The following IRAG1 variants were observed in gnomAD, a reference collection of about 807,000 sequenced individuals.
The protein encoded by IRAG1 is inositol 1,4,5-triphosphate receptor associated 1, also known as IP3R-associated cGMP kinase substrate.
A neutral mutation model predicts 106.2 loss-of-function variants in IRAG1; 62 were observed. That is an observed-to-expected ratio of 0.58 (90% CI 0.48 to 0.72). The LOEUF is 0.72. Among genes scored for constraint, IRAG1 ranks in the 30% least tolerant of loss-of-function variants. IRAG1 has a pLI of 0.00. For synonymous variants in IRAG1, 462 were observed against 443.9 expected (o/e 1.04, Z -0.51); for missense variants, 1,064 against 1,140.7 (o/e 0.93, Z 0.97).
intron 1 of IRAG1, among the ~76,000 whole-genome samples, chr11:10,682,857 A>G (rs16908184): frequency 0.047 from 7,104 of 152,208 alleles, 222 homozygotes; most frequent in African/African-American, 0.089. Context: ...TTTATACCCC[A>G]CAATCCTGTC....
chr11:10,581,347 T>G (rs1195834594), intron 19 of IRAG1, among the ~76,000 whole-genome samples: 1 of 152,128 alleles, frequency 6.6e-6, no homozygotes, highest in Non-Finnish European at 1.5e-5. Context: ...CCTTGAGGCT[T>G]GGTACCTGCT....
intron 15 of IRAG1, 73 bp downstream of exon 15, chr11:10,600,845 C>T: frequency 6.3e-7 from 1 of 1,591,502 alleles, no homozygotes; most frequent in Non-Finnish European, 8.6e-7. Context: ...GTTCTGACAG[C>T]TCTAATCCTA....
intron 20 of IRAG1, among the ~76,000 whole-genome samples, chr11:10,579,736 CTG>C (rs1851203270): frequency 6.6e-6 from 1 of 152,136 alleles, no homozygotes; most frequent in Admixed American, 6.5e-5. Context: ...ATGGAGTGCC[CTG>C]GAACTAAATT....
chr11:10,649,334 G>T (rs1360316166), intron 2 of IRAG1, among the ~76,000 whole-genome samples: 1 of 152,214 alleles, frequency 6.6e-6, no homozygotes, highest in African/African-American at 2.4e-5. Context: ...TGGTTGGGGG[G>T]GTCTGAACTG....
At chr11:10,579,990 G>C (rs1033028712) in intron 20 of IRAG1, among the ~76,000 whole-genome samples, 2 of 152,228 alleles carry the variant, frequency 1.3e-5, no homozygotes, top group African/African-American at 4.8e-5. Context: ...CCACTGAGCT[G>C]AGTTTGCCCT....
chr11:10,678,685 A>G (rs1412493057), intron 1 of IRAG1, among the ~76,000 whole-genome samples: 1 of 152,102 alleles, frequency 6.6e-6, no homozygotes, highest in East Asian at 1.9e-4. Context: ...TCTCAGACCC[A>G]CCATTGTTTA....
At chr11:10,596,714 T>C (rs1419361119) in intron 15 of IRAG1, among the ~76,000 whole-genome samples, 1 of 152,228 alleles carries the variant, frequency 6.6e-6, no homozygotes, top group African/African-American at 2.4e-5. Flanking sequence ...GAACTATACA[T>C]TGGGTAACTT....
chr11:10,601,602 T>C (rs914669494), intron 14 of IRAG1, among the ~76,000 whole-genome samples: 1 of 152,184 alleles, frequency 6.6e-6, no homozygotes, highest in Non-Finnish European at 1.5e-5. Flanking sequence ...CTCCTACCTA[T>C]GTAGGGATCA....
intron 13 of IRAG1, 80 bp from the exon 14 acceptor site, chr11:10,603,331 T>G: frequency 6.5e-7 from 1 of 1,529,894 alleles, no homozygotes; most frequent in Non-Finnish European, 8.9e-7. Flanking sequence ...CTTTTCGGCC[T>G]CAGGGACTGG....
At chr11:10,617,212 G>A in intron 10 of IRAG1, 5 of 985,264 alleles carry the variant, frequency 5.1e-6, no homozygotes, top group Non-Finnish European at 6.0e-6. Context: ...ACCTGGTTAA[G>A]GAGAATAAAA....
At chr11:10,586,986 T>C (rs1852079777) in intron 18 of IRAG1, among the ~76,000 whole-genome samples, 1 of 152,186 alleles carries the variant, frequency 6.6e-6, no homozygotes, top group Non-Finnish European at 1.5e-5. Flanking sequence ...ACCCAGTGTT[T>C]GGGTTGGACT....
intron 10 of IRAG1, among the ~76,000 whole-genome samples, chr11:10,620,921 G>C (rs2134506874): frequency 6.6e-6 from 1 of 152,168 alleles, no homozygotes; most frequent in South Asian, 2.1e-4. Flanking sequence ...AATACAAGAG[G>C]AACTATGCAC....
At chr11:10,684,179 T>G (rs891433465) in intron 1 of IRAG1, among the ~76,000 whole-genome samples, 2 of 152,118 alleles carry the variant, frequency 1.3e-5, no homozygotes, top group African/African-American at 4.8e-5. Flanking sequence ...GCGGCACTAT[T>G]CACAATAGCA....
At chr11:10,635,281 A>AC (rs774583056) in intron 2 of IRAG1, among the ~76,000 whole-genome samples, 14 of 151,746 alleles carry the variant, frequency 9.2e-5, no homozygotes, top group Non-Finnish European at 2.1e-4. Context: ...CCTCCTTCCC[A>AC]CCCCCTTGAC....
At chr11:10,614,633 T>C (rs1254223967) in intron 10 of IRAG1, among the ~76,000 whole-genome samples, 1 of 152,066 alleles carries the variant, frequency 6.6e-6, no homozygotes, top group African/African-American at 2.4e-5. Context: ...TCAGAAATAA[T>C]ACCACACATC....
rs139302581 is a variant in IRAG1, at chr11:10,613,226, G to A, written c.1448-3375C>T. 6.8e-5 allele frequency among the ~76,000 whole-genome samples: 10 copies of A among 147,482 alleles called. No homozygotes were observed. In the East Asian group the frequency reaches 7.9e-4, roughly 12 times the overall value. The stretch of plus-strand genomic sequence containing the variant: ...GTTGAACCCTTCAGGTTGACAGACC[G>A]CATCATGTTAAAAAATATATTTAAA... On this transcript the variant is annotated intron_variant, in intron 10 of 20. Transcript: ENST00000423302.
rs894233581 is a variant in IRAG1, at chr11:10,628,941, G to A, written c.575-113C>T. On this transcript the variant is annotated intron_variant, in intron 5 of 20. Coordinates refer to ENST00000423302, the MANE Select transcript of IRAG1 (RefSeq NM_130385.4). This position sits in a 1 kb window ranked among gnomAD's most constrained non-coding sequence, Gnocchi z 4.1. ...CTGGGAACTGGGTCTGCCTTGCTGGGCTCAGGGGCTGATGCTGGACTGCAA... is the reference window on the plus strand; with the variant it reads ...CTGGGAACTGGGTCTGCCTTGCTGGACTCAGGGGCTGATGCTGGACTGCAA... The A allele has an allele frequency of 3.9e-5, 38 of 970,116 alleles. No individual in the cohort carries two copies. Among genetic ancestry groups the A allele is most frequent in the Non-Finnish European group, 5.5e-5 (36 of 648,844 alleles). The allele number at this position is 970,116 out of a possible 1,614,324, so 60.1% of individuals were successfully genotyped here. A position where few individuals can be genotyped will look rare whatever the true frequency, so the allele number is the denominator to read the frequency against.
At chr11:10,630,692 C>T (rs1856626849) in intron 4 of IRAG1, among the ~76,000 whole-genome samples, 2 of 152,222 alleles carry the variant, frequency 1.3e-5, no homozygotes, top group South Asian at 4.1e-4. Context: ...CTAAACTGGG[C>T]TCAGCCAGTC....
chr11:10,677,129 A>G (rs1019344042), intron 1 of IRAG1, among the ~76,000 whole-genome samples: 2 of 152,122 alleles, frequency 1.3e-5, no homozygotes, highest in African/African-American at 2.4e-5. Flanking sequence ...GGGTCCATGC[A>G]TACTCTGTGC....
Sources: gnomAD v4.1 joint callset for allele counts (sites outside exome capture counted in the v4.1 genomes callset) on GRCh38, gnomAD v4.1.1 for gene constraint, Gnocchi (gnomAD v3.1) non-coding constraint, MANE v1.5 for transcripts, NCBI Gene and HGNC (gene_info 2026-07-23, HGNC 2026-07-21) for gene names.